Variants in KMT2E observed in about 807,000 individuals in gnomAD.
The protein encoded by KMT2E is lysine methyltransferase 2E (inactive).
Under a neutral mutation model 184.6 loss-of-function variants are expected in KMT2E, and 30 were observed. The ratio of observed to expected loss-of-function variants is 0.16; its 90% CI spans 0.12 to 0.22. The LOEUF is 0.22. Among genes scored for constraint, KMT2E ranks in the 10% least tolerant of loss-of-function variants. The pLI is 1.00. For missense variants in KMT2E, 2,023 were observed against 2,237.4 expected, an observed-to-expected ratio of 0.90 and a Z score of 1.93; for synonymous variants, 815 against 776.5, an observed-to-expected ratio of 1.05 and a Z score of -0.82.
chr7:105,060,551 C>G (rs1275517346), intron 3 of KMT2E, among the ~76,000 whole-genome samples: 1 of 151,890 alleles, frequency 6.6e-6, no homozygotes, highest in African/African-American at 2.4e-5. Flanking sequence ...CTCAACCTCC[C>G]AAGTAGCTAG....
intron 1 of KMT2E, among the ~76,000 whole-genome samples, chr7:105,026,704 C>A (rs1257897197): frequency 6.6e-6 from 1 of 152,132 alleles, no homozygotes; most frequent in East Asian, 1.9e-4. Flanking sequence ...ACTGGCAAAT[C>A]TCATGGATGT....
chr7:105,077,515 T>G (rs971942730), intron 11 of KMT2E, 82 bp downstream of exon 11: 1 of 1,069,762 alleles, frequency 9.3e-7, no homozygotes, highest in Non-Finnish European at 1.4e-6. Context: ...GTTGTGATTA[T>G]ATGTACTTTT....
intron 3 of KMT2E, among the ~76,000 whole-genome samples, chr7:105,054,006 C>G (rs1796455104): frequency 6.6e-6 from 1 of 152,076 alleles, no homozygotes; most frequent in Admixed American, 6.6e-5. Flanking sequence ...TACCTGGTCT[C>G]TACTAAAAAT....
At chr7:105,064,254 A>C (rs971220193) in intron 5 of KMT2E, 1 of 273,026 alleles carries the variant, frequency 3.7e-6, no homozygotes, top group African/African-American at 2.8e-5. Flanking sequence ...CCTGAAAGTT[A>C]CTGAGTTTAT....
chr7:105,086,377 G>T (rs919672487), intron 13 of KMT2E, among the ~76,000 whole-genome samples: 1 of 152,144 alleles, frequency 6.6e-6, no homozygotes, highest in African/African-American at 2.4e-5. Flanking sequence ...TAAGAAGCTT[G>T]TACCAGTTTC....
intron 8 of KMT2E, among the ~76,000 whole-genome samples, chr7:105,075,791 A>C (rs1247934826): frequency 1.3e-5 from 2 of 151,766 alleles, no homozygotes; most frequent in Non-Finnish European, 2.9e-5. Flanking sequence ...GCTCCAGTTG[A>C]TCCTCCTGCC....
At chr7:105,089,890 T>C in intron 13 of KMT2E, 119 bp from the exon 14 acceptor site, 1 of 1,407,470 alleles carries the variant, frequency 7.1e-7, no homozygotes, top group Non-Finnish European at 9.5e-7. Flanking sequence ...CTAAAAAGGA[T>C]TGCTTATAAT....
At position 105,090,215 on chromosome 7, in the gene KMT2E, G is replaced by A; in HGVS notation, c.1565G>A (p.Ser522Asn). 2 of 1,606,876 alleles carry A rather than the reference G, an allele frequency of 1.2e-6. No homozygotes were observed. Among genetic ancestry groups the A allele is most frequent in the Non-Finnish European group, 1.7e-6 (2 of 1,178,478 alleles). Residue 522 changes from serine to asparagine, a missense_variant, in exon 14 of 27, where the codon AGC becomes AAC. Ser to Asn is a conservative substitution (Grantham distance 46). Coordinates refer to ENST00000311117, the MANE Select transcript of KMT2E (RefSeq NM_182931.3). ...GAAGGAACGACCAACAAAATGAAGAGCCCAGAAACTAAACAAAGAAAGCTT... is the reference window on the plus strand; with the variant it reads ...GAAGGAACGACCAACAAAATGAAGAACCCAGAAACTAAACAAAGAAAGCTT... ...DCEGTTNKMKSPETKQRKLSP... is the reference protein window; with the variant it reads ...DCEGTTNKMKNPETKQRKLSP...
At chr7:105,095,540 GC>G (rs1798370246) in intron 15 of KMT2E, among the ~76,000 whole-genome samples, 1 of 152,116 alleles carries the variant, frequency 6.6e-6, no homozygotes, top group Admixed American at 6.5e-5. Flanking sequence ...AAGATGGAAG[GC>G]CTTTTCATTT....
intron 1 of KMT2E, among the ~76,000 whole-genome samples, chr7:105,019,446 T>C (rs1441179681): frequency 6.6e-6 from 1 of 152,206 alleles, no homozygotes; most frequent in Non-Finnish European, 1.5e-5. Flanking sequence ...TTTAAGCTTT[T>C]TGGGATGTTG....
chr7:105,055,334 G>A (rs772287064), intron 3 of KMT2E, among the ~76,000 whole-genome samples: 6 of 151,126 alleles, frequency 4.0e-5, no homozygotes, highest in Admixed American at 1.3e-4. Context: ...GATTATAGGC[G>A]TGAGCTGTTG....
intron 1 of KMT2E, among the ~76,000 whole-genome samples, chr7:105,023,537 C>T (rs766284014): frequency 1.3e-5 from 2 of 151,204 alleles, no homozygotes; most frequent in African/African-American, 4.9e-5. Flanking sequence ...CTCCGCCTTC[C>T]GGGTTCATGC....
At position 105,090,201 on chromosome 7, in the gene KMT2E, C is replaced by G; in HGVS notation, c.1551C>G (p.Thr517=). ...TTACTTTGGATTGTGAAGGAACGAC[C>G]AACAAAATGAAGAGCCCAGAAACTA... ...QNITLDCEGT[T]NKMKSPETKQ... Residue 517 remains threonine (T), a synonymous_variant, in exon 14 of 27, where the codon ACC becomes ACG. Coordinates refer to ENST00000311117, the MANE Select transcript of KMT2E (RefSeq NM_182931.3). 1 of 1,610,150 alleles carries G rather than the reference C, an allele frequency of 6.2e-7. No homozygotes were observed. The highest frequency in any genetic ancestry group is 8.5e-7 in the Non-Finnish European group (1 of 1,179,172).
intron 1 of KMT2E, among the ~76,000 whole-genome samples, chr7:105,035,825 C>CTGGGATTACAGATGTGA (rs1260159365): frequency 6.6e-6 from 1 of 152,106 alleles, no homozygotes; most frequent in Admixed American, 6.5e-5. Flanking sequence ...TCCCAAAGTG[C>CTGGGATTACAGATGTGA]TGGGATTACA....
chr7:105,027,634 C>G (rs1795226373), intron 1 of KMT2E, among the ~76,000 whole-genome samples: 1 of 152,118 alleles, frequency 6.6e-6, no homozygotes, highest in East Asian at 1.9e-4. Flanking sequence ...CCTTAAGCTT[C>G]AACTCTCTAG....
chr7:105,071,785 A>G (rs1584758699), intron 6 of KMT2E, among the ~76,000 whole-genome samples: 2 of 151,050 alleles, frequency 1.3e-5, no homozygotes, highest in East Asian at 2.0e-4. Flanking sequence ...ACAGTAATGG[A>G]TAAGCATGCC....
chr7:105,108,763 A>G (rs562641366), intron 22 of KMT2E, 179 bp from the exon 23 acceptor site: 13 of 593,772 alleles, frequency 2.2e-5, no homozygotes, highest in Non-Finnish European at 3.8e-5. Flanking sequence ...TAAATCATCT[A>G]AGTACAATGC....
chr7:105,103,558 G>C (rs1798748867), intron 17 of KMT2E: 1 of 152,044 alleles, frequency 6.6e-6, no homozygotes, highest in Non-Finnish European at 1.5e-5. Flanking sequence ...TACTTAACTT[G>C]CTCATGGTCA....
chr7:105,108,497 G>A, intron 22 of KMT2E: 2 of 446,436 alleles, frequency 4.5e-6, no homozygotes, highest in Non-Finnish European at 9.0e-6. Flanking sequence ...TTATTGCTTT[G>A]CAAGTCCAAG....
Sources: allele counts gnomAD v4.1 joint callset (sites outside exome capture counted in the v4.1 genomes callset), GRCh38; gene constraint gnomAD v4.1.1; transcripts MANE v1.5; gene names NCBI Gene and HGNC (gene_info 2026-07-23, HGNC 2026-07-21).